HTR2C: variants seen among roughly 807,000 people sequenced by gnomAD.
HTR2C encodes 5-hydroxytryptamine (serotonin) receptor 2C, G protein-coupled.
HTR2C carries 5 observed loss-of-function variants against 21.0 expected under a neutral mutation model. That is an observed-to-expected ratio of 0.24 (90% CI 0.12 to 0.50). HTR2C has a LOEUF of 0.50. HTR2C is among the 20% of genes least tolerant of loss of function. The probability of loss-of-function intolerance (pLI) is 0.98; values close to 1 mark genes in which losing one functional copy is unlikely to be tolerated. For missense variants in HTR2C, 271 were observed against 371.2 expected (o/e 0.73, Z 2.22); for synonymous variants, 150 against 145.3 (o/e 1.03, Z -0.23).
In HTR2C at chrX:114,860,352, T is replaced by C. The variant is rs782606543; in HGVS notation, c.550+12149T>C. Among the ~76,000 whole-genome samples, 4 of 111,054 alleles carry C rather than the reference T, an allele frequency of 3.6e-5. No homozygotes were observed. In the South Asian group the frequency reaches 1.5e-3, roughly 42 times the overall value. ...TTCCATAGGATTGACACTTTTATAG[T>C]TATGAAATATTCCTCTTTATCTCTC... On this transcript the variant is annotated intron_variant, in intron 5 of 5. Coordinates refer to ENST00000276198, the MANE Select transcript of HTR2C (RefSeq NM_000868.4).
intron 5 of HTR2C, among the ~76,000 whole-genome samples, chrX:114,854,178 G>C (rs782777294): frequency 1.1e-3 from 119 of 111,069 alleles, no homozygotes; most frequent in African/African-American, 3.6e-3. Flanking sequence ...AGTGATCTCT[G>C]TATACTCAAA....
intron 4 of HTR2C, among the ~76,000 whole-genome samples, chrX:114,752,299 T>C (rs1390906225): frequency 8.9e-6 from 1 of 111,828 alleles, no homozygotes; most frequent in Non-Finnish European, 1.9e-5. Context: ...TATTTGAAAA[T>C]GTATTATGTA....
At chrX:114,905,296 A>T (rs1468553843) in intron 5 of HTR2C, among the ~76,000 whole-genome samples, 1 of 111,988 alleles carries the variant, frequency 8.9e-6, no homozygotes, top group Non-Finnish European at 1.9e-5. Flanking sequence ...CTGAGGAAGA[A>T]GACTTAAAGA....
At chrX:114,899,024 T>C (rs2071317646) in intron 5 of HTR2C, among the ~76,000 whole-genome samples, 1 of 112,427 alleles carries the variant, frequency 8.9e-6, no homozygotes, top group African/African-American at 3.2e-5. Context: ...TCCATGAGCA[T>C]GGAATGTTTT....
intron 2 of HTR2C, among the ~76,000 whole-genome samples, chrX:114,636,579 A>G (rs1929853213): frequency 8.9e-6 from 1 of 112,329 alleles, no homozygotes; most frequent in Non-Finnish European, 1.9e-5. Flanking sequence ...TGCAAAATAC[A>G]AGATCAAATG....
At chrX:114,680,079 G>T (rs189009701) in intron 2 of HTR2C, among the ~76,000 whole-genome samples, 2 of 112,127 alleles carry the variant, frequency 1.8e-5, no homozygotes, top group Non-Finnish European at 3.8e-5. Flanking sequence ...AACAGAATTA[G>T]ATGACCAAAA....
At chrX:114,693,237 C>G (rs1476872521) in intron 2 of HTR2C, among the ~76,000 whole-genome samples, 1 of 110,728 alleles carries the variant, frequency 9.0e-6, no homozygotes, top group African/African-American at 3.3e-5. Context: ...AAAGAATGGA[C>G]AGAGGAAAGA....
intron 5 of HTR2C, among the ~76,000 whole-genome samples, chrX:114,897,890 A>C (rs2071309230): frequency 8.9e-6 from 1 of 112,516 alleles, no homozygotes; most frequent in South Asian, 3.7e-4. Flanking sequence ...TCTTTATAAC[A>C]GAATAATTTA....
intron 2 of HTR2C, among the ~76,000 whole-genome samples, chrX:114,627,277 A>G (rs1441502015): frequency 9.0e-6 from 1 of 111,099 alleles, no homozygotes; most frequent in African/African-American, 3.3e-5. Context: ...TGTTGATACA[A>G]TGAATTTCAT....
chrX:114,617,008 C>T (rs1928977769), intron 2 of HTR2C, among the ~76,000 whole-genome samples: 1 of 112,368 alleles, frequency 8.9e-6, no homozygotes, highest in Non-Finnish European at 1.9e-5. Flanking sequence ...TTTTATCTTT[C>T]AATTATGTGG....
At chrX:114,762,971 G>A (rs782565497) in intron 4 of HTR2C, among the ~76,000 whole-genome samples, 8 of 112,109 alleles carry the variant, frequency 7.1e-5, no homozygotes, top group South Asian at 3.7e-4. Flanking sequence ...TGGTTCTCTC[G>A]TGTGATCATG....
chrX:114,823,864 C>G lies in HTR2C; in HGVS notation c.350-24139C>G, dbSNP rs921830365. Among the ~76,000 whole-genome samples, 14 of 111,216 alleles carry G rather than the reference C, an allele frequency of 1.3e-4. 1 individual carries two copies. The East Asian group carries it at 4.0e-3, about 32-fold the overall frequency. ...AGAGCTACACCGAATTAGGGAGATT[C>G]AATAGTTGGGCATATTTATTTAGGC... On this transcript the variant is annotated intron_variant, in intron 4 of 5. Coordinates refer to ENST00000276198, the MANE Select transcript of HTR2C (RefSeq NM_000868.4).
chrX:114,698,184 T>C (rs1319824781), intron 2 of HTR2C, among the ~76,000 whole-genome samples: 1 of 112,118 alleles, frequency 8.9e-6, no homozygotes, highest in Non-Finnish European at 1.9e-5. Flanking sequence ...CTTTCACTTA[T>C]AAGCCAGAGA....
At chrX:114,601,824 G>A (rs1556394565) in intron 1 of HTR2C, among the ~76,000 whole-genome samples, 2 of 101,787 alleles carry the variant, frequency 2.0e-5, no homozygotes, top group Middle Eastern at 5.1e-3. Context: ...GAGAATGGGC[G>A]ATGTTTCTCA....
At chrX:114,599,361 C>G (rs1248656403) in intron 1 of HTR2C, among the ~76,000 whole-genome samples, 1 of 111,706 alleles carries the variant, frequency 9.0e-6, no homozygotes, top group South Asian at 3.8e-4. Flanking sequence ...TTTATGATAG[C>G]CTTTATTTCT....
intron 5 of HTR2C, among the ~76,000 whole-genome samples, chrX:114,882,254 C>A (rs1194534758): frequency 1.8e-5 from 2 of 110,305 alleles, no homozygotes; most frequent in African/African-American, 6.5e-5. Context: ...TAAGTGGATT[C>A]CTTAGAATTT....
intron 5 of HTR2C, among the ~76,000 whole-genome samples, chrX:114,884,800 A>G (rs1243089576): frequency 8.9e-6 from 1 of 111,917 alleles, no homozygotes. Flanking sequence ...TTGTTCCATT[A>G]GATATTTGGA....
chrX:114,905,663 A>C (rs910778016), intron 5 of HTR2C, among the ~76,000 whole-genome samples: 3 of 111,810 alleles, frequency 2.7e-5, no homozygotes, highest in African/African-American at 9.8e-5. Context: ...CTGTGGACAC[A>C]AGACAGGACA....
At position 114,704,769 on chromosome X, in the gene HTR2C, C is replaced by T. The variant is rs781969932; in HGVS notation, c.-79-22089C>T. On this transcript the variant is annotated intron_variant, in intron 2 of 5. Transcript: ENST00000276198. ...TTAGGAAAAGAGGACGTCAAATTGT[C>T]CCTGTTTGCAGATGACATGATTGTA... 7.0e-3 allele frequency among the ~76,000 whole-genome samples: 770 copies of T among 109,325 alleles called. 11 individuals carry two copies. The highest frequency in any genetic ancestry group is 0.024 in the African/African-American group (730 of 30,159). 94.9% of individuals were successfully genotyped at this position (109,325 alleles called of 115,157 possible).
Sources: allele counts gnomAD v4.1 joint callset (sites outside exome capture counted in the v4.1 genomes callset), GRCh38; gene constraint gnomAD v4.1.1; transcripts MANE v1.5; gene names NCBI Gene and HGNC (gene_info 2026-07-23, HGNC 2026-07-21).